The following CCDC30 variants were observed in gnomAD, a reference collection of about 807,000 sequenced individuals.
CCDC30 encodes coiled-coil domain-containing protein 30.
In CCDC30, 70 loss-of-function variants were observed where a neutral mutation model predicts 100.2. The ratio of observed to expected loss-of-function variants is 0.70; its 90% CI spans 0.58 to 0.85. CCDC30 has a LOEUF of 0.85. Among genes scored for constraint, CCDC30 ranks in the 40% least tolerant of loss-of-function variants. CCDC30 has a pLI of 0.00. For synonymous variants in CCDC30, 233 were observed against 269.5 expected, an observed-to-expected ratio of 0.86 and a Z score of 1.33; for missense variants, 652 against 771.2, an observed-to-expected ratio of 0.85 and a Z score of 1.83.
At chr1:42,546,109 T>C (rs534700172) in intron 6 of CCDC30, among the ~76,000 whole-genome samples, 76 of 151,568 alleles carry the variant, frequency 5.0e-4, no homozygotes, top group African/African-American at 1.7e-3. Context: ...CTGTTACATA[T>C]GCACAGTTGC....
At chr1:42,611,175 C>T (rs1646615876) in intron 11 of CCDC30, 85 bp downstream of exon 15, 1 of 728,300 alleles carries the variant, frequency 1.4e-6, no homozygotes, top group South Asian at 2.0e-5. Context: ...AAATGGTGGG[C>T]TGCTCACTGA....
downstream of CCDC30, among the ~76,000 whole-genome samples, chr1:42,655,267 C>T (rs188725745): frequency 2.4e-3 from 360 of 152,082 alleles, 4 homozygotes; most frequent in Middle Eastern, 0.02. Flanking sequence ...GGAGGTTGGG[C>T]GTGGTGGCTT....
chr1:42,549,295 A>G (rs1433142996), intron 6 of CCDC30, among the ~76,000 whole-genome samples: 1 of 152,188 alleles, frequency 6.6e-6, no homozygotes, highest in Non-Finnish European at 1.5e-5. Flanking sequence ...ATATTTAGCT[A>G]AGTCTTCTTT....
At chr1:42,518,748 T>C (rs761089490) in intron 6 of CCDC30, among the ~76,000 whole-genome samples, 15 of 152,244 alleles carry the variant, frequency 9.9e-5, no homozygotes, top group Non-Finnish European at 2.2e-4. Flanking sequence ...ATTTTACTTC[T>C]TCCTTTTCAA....
intron 11 of CCDC30, among the ~76,000 whole-genome samples, chr1:42,632,280 G>T (rs746140666): frequency 6.6e-6 from 1 of 152,100 alleles, no homozygotes; most frequent in Non-Finnish European, 1.5e-5. Flanking sequence ...TGGAAAGGGG[G>T]CCTCATTACT....
rs570314918 is a variant in CCDC30, at chr1:42,580,120, A to G, written c.847-1240A>G. Among the ~76,000 whole-genome samples, 3 of 152,254 alleles carry G rather than the reference A, an allele frequency of 2.0e-5. No homozygotes were observed. In the East Asian group the frequency reaches 5.8e-4, roughly 29 times the overall value. ...TTGTGTGGCAGGTTCAAAAGTTTGG[A>G]TGTATCCTTGACAGAGAAGCCAATG... On this transcript the variant is annotated intron_variant, in intron 8 of 16. Transcript: ENST00000668663.
chr1:42,638,559 C>CAAAAA (rs55773821), intron 12 of CCDC30, among the ~76,000 whole-genome samples: 6 of 116,376 alleles, frequency 5.2e-5, no homozygotes, highest in African/African-American at 9.5e-5. Context: ...CACCCATGGG[C>CAAAAA]AAAAAAAAAA....
chr1:42,499,954 ACTT>A (rs1334675065), intron 6 of CCDC30, among the ~76,000 whole-genome samples: 2 of 151,994 alleles, frequency 1.3e-5, no homozygotes, highest in East Asian at 1.9e-4. Context: ...GTCCCACCCC[ACTT>A]CTTCTACCCC....
At chr1:42,467,991 G>A (rs924135720) in intron 1 of CCDC30, among the ~76,000 whole-genome samples, 4 of 152,222 alleles carry the variant, frequency 2.6e-5, no homozygotes, top group Admixed American at 1.3e-4. Flanking sequence ...AACTCGCAGG[G>A]AAGCTCAGAG....
chr1:42,584,789 A>G (rs1012574906), intron 9 of CCDC30, among the ~76,000 whole-genome samples: 3 of 152,224 alleles, frequency 2.0e-5, no homozygotes, highest in African/African-American at 7.2e-5. Context: ...TAGGTCATGT[A>G]GAACTTAACA....
intron 4 of CCDC30, chr1:42,491,857 A>G (rs1644148694): frequency 7.9e-6 from 3 of 381,986 alleles, no homozygotes; most frequent in East Asian, 9.7e-5. Flanking sequence ...GCTATGTTCA[A>G]TATAAGAAAT....
intron 6 of CCDC30, among the ~76,000 whole-genome samples, chr1:42,518,505 G>A (rs958036071): frequency 3.9e-5 from 6 of 152,112 alleles, no homozygotes; most frequent in Non-Finnish European, 5.9e-5. Flanking sequence ...GATTAGATAT[G>A]TTTAGATATA....
chr1:42,580,217 A>G (rs1372911199), intron 8 of CCDC30, among the ~76,000 whole-genome samples: 1 of 152,236 alleles, frequency 6.6e-6, no homozygotes, highest in Non-Finnish European at 1.5e-5. Flanking sequence ...AGAACTAAAT[A>G]GAACAGCTCC....
intron 1 of CCDC30, among the ~76,000 whole-genome samples, chr1:42,466,466 T>C (rs1328062881): frequency 6.6e-6 from 1 of 152,220 alleles, no homozygotes; most frequent in Non-Finnish European, 1.5e-5. Flanking sequence ...TGCACTTCTT[T>C]CCAGAGATTG....
intron 10 of CCDC30, among the ~76,000 whole-genome samples, chr1:42,598,060 T>C (rs1022056768): frequency 1.4e-4 from 21 of 149,566 alleles, no homozygotes; most frequent in Middle Eastern, 3.7e-3. Flanking sequence ...CCCAACTACT[T>C]GGGAGGTTGA....
intron 6 of CCDC30, among the ~76,000 whole-genome samples, chr1:42,559,124 G>C (rs1232548380): frequency 1.3e-5 from 2 of 152,116 alleles, no homozygotes; most frequent in Non-Finnish European, 2.9e-5. Context: ...GGCCTGCGCT[G>C]CAAGAGCTCC....
chr1:42,543,991 G>T (rs955998414), intron 6 of CCDC30, among the ~76,000 whole-genome samples: 1 of 152,142 alleles, frequency 6.6e-6, no homozygotes, highest in Non-Finnish European at 1.5e-5. Context: ...GCAGGCTATT[G>T]TCTACCTTAG....
At chr1:42,533,405 A>G (rs1415501911) in intron 6 of CCDC30, among the ~76,000 whole-genome samples, 1 of 152,120 alleles carries the variant, frequency 6.6e-6, no homozygotes, top group Non-Finnish European at 1.5e-5. Flanking sequence ...TTGAAGAGAA[A>G]CCTTGTCATA....
chr1:42,607,999 A>G (rs959515192), intron 10 of CCDC30, among the ~76,000 whole-genome samples: 8 of 152,192 alleles, frequency 5.3e-5, no homozygotes, highest in Non-Finnish European at 7.3e-5. Flanking sequence ...CCCAAACACC[A>G]TGTCTGTAAT....
Sources: gnomAD v4.1 joint callset for allele counts (sites outside exome capture counted in the v4.1 genomes callset) on GRCh38, gnomAD v4.1.1 for gene constraint, MANE v1.5 for transcripts, NCBI Gene and HGNC (gene_info 2026-07-23, HGNC 2026-07-21) for gene names.